MARCHF11: variants seen among roughly 807,000 people sequenced by gnomAD.
MARCHF11 encodes the protein membrane associated ring-CH-type finger 11.
In MARCHF11, 29 loss-of-function variants were observed where a neutral mutation model predicts 37.3. The observed-to-expected ratio is 0.78, with a 90% CI of 0.58 to 1.06. The LOEUF (loss-of-function observed/expected upper bound fraction) is 1.06, where lower values mean the gene tolerates loss of function less well. Ranked by LOEUF, MARCHF11 falls within the 50% of genes least tolerant of loss-of-function variation. The pLI is 0.00. For missense variants in MARCHF11, 482 were observed against 533.4 expected, an observed-to-expected ratio of 0.90 and a Z score of 0.95; for synonymous variants, 233 against 228.0, an observed-to-expected ratio of 1.02 and a Z score of -0.20.
intron 2 of MARCHF11, among the ~76,000 whole-genome samples, chr5:16,159,013 C>A (rs1458097878): frequency 2.0e-5 from 3 of 151,780 alleles, no homozygotes; most frequent in Non-Finnish European, 4.4e-5. Flanking sequence ...AATGGATATG[C>A]CAACTAGCTC....
In MARCHF11 at chr5:16,179,219, G is replaced by C; in HGVS notation, c.357C>G (p.Pro119=). 1 of 1,350,232 alleles carries C rather than the reference G, an allele frequency of 7.4e-7. No individual in the cohort carries two copies. 83.6% of individuals were successfully genotyped at this position (1,350,232 alleles called of 1,614,324 possible). The part of the protein sequence containing the change: ...LPEAAAAKGG[P]GESEAGAGGE... ...CGCCCGCGCCGGCCTCAGACTCCCC[G>C]GGGCCGCCTTTCGCTGCTGCCGCCT... The change falls in exon 1 of 4, where the codon CCC becomes CCG. Residue 119 remains proline (P), a synonymous_variant. Transcript: ENST00000332432.
chr5:16,076,315 C>T lies in MARCHF11; in HGVS notation c.887-8522G>A, dbSNP rs1447749073. Among the ~76,000 whole-genome samples the T allele has an allele frequency of 2.6e-5, 4 of 151,878 alleles. No homozygotes were observed. The East Asian group carries it at 7.7e-4, about 29-fold the overall frequency. On this transcript the variant is annotated intron_variant, in intron 3 of 3. Transcript: ENST00000332432. ...TTATCATTTTTTTTAAATGGATTAACAGAATTCACAGGAGAGAAAAATTGT... is the reference window on the plus strand; with the variant it reads ...TTATCATTTTTTTTAAATGGATTAATAGAATTCACAGGAGAGAAAAATTGT...
intron 2 of MARCHF11, among the ~76,000 whole-genome samples, chr5:16,142,986 C>T (rs185862529): frequency 2.1e-4 from 32 of 151,048 alleles, no homozygotes; most frequent in African/African-American, 7.3e-4. Flanking sequence ...GTGAGCCACC[C>T]GCCTCAGCCT....
intron 2 of MARCHF11, among the ~76,000 whole-genome samples, chr5:16,094,917 A>C (rs6554911): frequency 0.056 from 8,457 of 152,180 alleles, 776 homozygotes; most frequent in African/African-American, 0.19. Flanking sequence ...CCCACAACTC[A>C]TCTATGAGGG....
intron 2 of MARCHF11, among the ~76,000 whole-genome samples, chr5:16,100,504 ACCAGTAGAGC>A (rs546581528): frequency 6.6e-6 from 1 of 152,328 alleles, no homozygotes; most frequent in Non-Finnish European, 1.5e-5. Flanking sequence ...GAGAATCACG[ACCAGTAGAGC>A]CCAGTGATGT....
chr5:16,149,016 A>C (rs1451329630), intron 2 of MARCHF11, among the ~76,000 whole-genome samples: 1 of 152,154 alleles, frequency 6.6e-6, no homozygotes, highest in Non-Finnish European at 1.5e-5. Flanking sequence ...ACAATAGAAC[A>C]GGTTTTGACT....
At chr5:16,096,032 G>A (rs186795695) in intron 2 of MARCHF11, among the ~76,000 whole-genome samples, 170 of 152,316 alleles carry the variant, frequency 1.1e-3, no homozygotes, top group Middle Eastern at 6.8e-3. Context: ...AGTTAGTCAA[G>A]AAGTGAGAAC....
chr5:16,145,007 T>C (rs1737776761), intron 2 of MARCHF11, among the ~76,000 whole-genome samples: 1 of 152,188 alleles, frequency 6.6e-6, no homozygotes, highest in South Asian at 2.1e-4. Flanking sequence ...ATTAGGATAA[T>C]GGATAGAATT....
chr5:16,070,555 A>C (rs967074204), intron 3 of MARCHF11, among the ~76,000 whole-genome samples: 3 of 152,222 alleles, frequency 2.0e-5, no homozygotes, highest in Non-Finnish European at 4.4e-5. Context: ...GCAAGATCCT[A>C]TTCTTTTCTT....
At chr5:16,111,788 G>C (rs1352773360) in intron 2 of MARCHF11, among the ~76,000 whole-genome samples, 2 of 152,166 alleles carry the variant, frequency 1.3e-5, no homozygotes, top group Non-Finnish European at 2.9e-5. Flanking sequence ...CATAGGCCTA[G>C]AAGCCTAGGA....
intron 2 of MARCHF11, among the ~76,000 whole-genome samples, chr5:16,123,513 A>G (rs1737347323): frequency 6.6e-6 from 1 of 152,202 alleles, no homozygotes. Flanking sequence ...TTACTTTGTT[A>G]CAGTAGCCCA....
chr5:16,163,714 G>T (rs533631590), intron 2 of MARCHF11, among the ~76,000 whole-genome samples: 1 of 152,154 alleles, frequency 6.6e-6, no homozygotes, highest in South Asian at 2.1e-4. Context: ...TTATTAGAGT[G>T]CTATGATTTG....
At chr5:16,134,578 A>G (rs1033573150) in intron 2 of MARCHF11, among the ~76,000 whole-genome samples, 2 of 152,222 alleles carry the variant, frequency 1.3e-5, no homozygotes, top group Non-Finnish European at 2.9e-5. Context: ...ATAGCTATAC[A>G]TGCAGTATTT....
chr5:16,097,422 G>C (rs1299322142), intron 2 of MARCHF11, among the ~76,000 whole-genome samples: 1 of 152,146 alleles, frequency 6.6e-6, no homozygotes, highest in African/African-American at 2.4e-5. Flanking sequence ...GCCTAAGAAA[G>C]AGGAAATCTA....
intron 2 of MARCHF11, among the ~76,000 whole-genome samples, chr5:16,108,216 G>A (rs558130845): frequency 7.2e-5 from 11 of 152,236 alleles, no homozygotes; most frequent in East Asian, 2.0e-4. Context: ...AGTGGGGCTG[G>A]GGCCCAAAGT....
intron 2 of MARCHF11, among the ~76,000 whole-genome samples, chr5:16,092,668 T>C (rs1413605479): frequency 6.6e-6 from 1 of 152,086 alleles, no homozygotes; most frequent in Non-Finnish European, 1.5e-5. Context: ...GGTTGATGGG[T>C]GCAGCAAACC....
At chr5:16,084,993 AGTGT>A (rs59143481) in intron 3 of MARCHF11, among the ~76,000 whole-genome samples, 2 of 150,364 alleles carry the variant, frequency 1.3e-5, no homozygotes. Context: ...GATCAGAGTG[AGTGT>A]GTGTGTGTGT....
At chr5:16,139,983 C>A (rs1385081598) in intron 2 of MARCHF11, among the ~76,000 whole-genome samples, 2 of 152,066 alleles carry the variant, frequency 1.3e-5, no homozygotes, top group South Asian at 4.1e-4. Context: ...TTGCTGTTGA[C>A]AATGTAATAA....
chr5:16,081,859 A>G lies in MARCHF11; in HGVS notation c.886+9030T>C, dbSNP rs147186767. Among the ~76,000 whole-genome samples, 993 of 152,334 alleles carry G rather than the reference A, an allele frequency of 6.5e-3. 9 individuals are homozygous for G. The highest frequency in any genetic ancestry group is 0.014 in the Middle Eastern group (4 of 294). On this transcript the variant is annotated intron_variant, in intron 3 of 3. Transcript: ENST00000332432. ...CCCCTTGAGGGGGCCTTAAAGGGTT[A>G]ACTAGCCTTGAGAGGCCATTCCATG...
Sources: allele counts gnomAD v4.1 joint callset (sites outside exome capture counted in the v4.1 genomes callset), GRCh38; gene constraint gnomAD v4.1.1; transcripts MANE v1.5; gene names NCBI Gene and HGNC (gene_info 2026-07-23, HGNC 2026-07-21).